Variants in EYS observed in about 807,000 individuals in gnomAD.
The protein encoded by EYS is EGF-like photoreceptor maintenance factor.
In EYS, 250 loss-of-function variants were observed where a neutral mutation model predicts 282.1. That is an observed-to-expected ratio of 0.89 (90% confidence interval 0.80 to 0.98). The LOEUF is 0.98. Ranked by LOEUF, EYS falls within the 50% of genes least tolerant of loss-of-function variation. The pLI is 0.00. For missense variants in EYS, 4,016 were observed against 3,709.0 expected (o/e 1.08, Z -2.15); for synonymous variants, 1,355 against 1,282.9 (o/e 1.06, Z -1.20).
At chr6:63,915,567 G>C (rs1239013610) in intron 35 of EYS, among the ~76,000 whole-genome samples, 1 of 152,184 alleles carries the variant, frequency 6.6e-6, no homozygotes, top group Non-Finnish European at 1.5e-5. Context: ...TAAGGCTATA[G>C]CTGCCATAAA....
At chr6:64,944,720 C>G (rs1034657171) in intron 15 of EYS, among the ~76,000 whole-genome samples, 3 of 152,014 alleles carry the variant, frequency 2.0e-5, no homozygotes, top group African/African-American at 7.2e-5. Context: ...TGTCTCCTGC[C>G]TGTCCCTGGG....
chr6:65,335,053 C>A lies in EYS; in HGVS notation c.1693G>T (p.Glu565Ter). 2 of 1,611,736 alleles carry A rather than the reference C, an allele frequency of 1.2e-6. No homozygotes were observed. Among genetic ancestry groups the A allele is most frequent in the Non-Finnish European group, 1.7e-6 (2 of 1,178,568 alleles). ...TTTTCTTGATCATCAGTTGTATTTT[C>A]CAGATACATGTTGCCAGCCCATCTG... Reference protein sequence around the residue: ...FLRWAGNMYLENTTDDQENEC... With the variant: ...FLRWAGNMYL Residue 565 changes from glutamate (E) to a stop codon, truncating the protein, a stop_gained, in exon 11 of 43, where the codon GAA (glutamate) becomes TAA (stop). Coordinates refer to ENST00000503581, the MANE Select transcript of EYS (RefSeq NM_001142800.2). LOFTEE classifies it high-confidence loss of function.
intron 26 of EYS, among the ~76,000 whole-genome samples, chr6:64,571,263 C>G (rs888028004): frequency 6.6e-6 from 1 of 152,114 alleles, no homozygotes; most frequent in Non-Finnish European, 1.5e-5. Flanking sequence ...ACCAGCATCT[C>G]TGGGACACTC....
At chr6:64,183,929 G>A (rs1434978034) in intron 31 of EYS, among the ~76,000 whole-genome samples, 3 of 151,534 alleles carry the variant, frequency 2.0e-5, no homozygotes, top group African/African-American at 4.8e-5. Context: ...ATTTTGTAAC[G>A]CAATTTTAAA....
At chr6:65,263,296 G>A (rs922803775) in intron 12 of EYS, among the ~76,000 whole-genome samples, 1 of 151,986 alleles carries the variant, frequency 6.6e-6, no homozygotes, top group African/African-American at 2.4e-5. Context: ...AGCTATGATC[G>A]TGCCAATGTA....
intron 22 of EYS, among the ~76,000 whole-genome samples, chr6:64,723,318 G>GA (rs1771648287): frequency 6.6e-6 from 1 of 152,002 alleles, no homozygotes; most frequent in South Asian, 2.1e-4. Flanking sequence ...CCAACAGTAG[G>GA]AAAAAATACC....
chr6:64,131,147 A>G (rs1024247512), intron 31 of EYS, among the ~76,000 whole-genome samples: 17 of 152,232 alleles, frequency 1.1e-4, no homozygotes, highest in African/African-American at 3.6e-4. Flanking sequence ...GATTACAGGC[A>G]TGAGCCACTG....
intron 19 of EYS, among the ~76,000 whole-genome samples, chr6:64,847,743 G>A (rs1012416648): frequency 6.6e-6 from 1 of 151,548 alleles, no homozygotes; most frequent in Non-Finnish European, 1.5e-5. Context: ...TACTTTTTTT[G>A]CCAAAGAAAT....
intron 31 of EYS, among the ~76,000 whole-genome samples, chr6:64,094,510 C>A (rs1772507283): frequency 6.6e-6 from 1 of 152,106 alleles, no homozygotes; most frequent in African/African-American, 2.4e-5. Context: ...AGGAATTTAT[C>A]CATTTCTTCT....
chr6:64,824,342 A>G (rs182994549), intron 19 of EYS, among the ~76,000 whole-genome samples: 2 of 152,120 alleles, frequency 1.3e-5, no homozygotes, highest in South Asian at 2.1e-4. Flanking sequence ...TACAAGCATA[A>G]TCAATCAAGC....
intron 26 of EYS, among the ~76,000 whole-genome samples, chr6:64,468,067 T>C (rs1019702206): frequency 1.3e-5 from 2 of 152,112 alleles, no homozygotes; most frequent in Non-Finnish European, 2.9e-5. Flanking sequence ...TCTGGAGACC[T>C]GAGAACCAGC....
chr6:65,189,554 A>C lies in EYS; in HGVS notation c.2023+106309T>G, dbSNP rs918861524. Among the ~76,000 whole-genome samples, 5 of 151,846 alleles carry C rather than the reference A, an allele frequency of 3.3e-5. No individual in the cohort carries two copies. In the Admixed American group the frequency reaches 3.3e-4, roughly 10 times the overall value. ...GAAGACAATAAAATAAAGCAAAATC[A>C]GCATAAATAAAATTTATTAATTATG... On this transcript the variant is annotated intron_variant, in intron 12 of 42. Transcript: ENST00000503581.
At chr6:65,181,033 T>G (rs1295762133) in intron 12 of EYS, among the ~76,000 whole-genome samples, 1 of 152,266 alleles carries the variant, frequency 6.6e-6, no homozygotes, top group South Asian at 2.1e-4. Flanking sequence ...GATCCCTTCC[T>G]TACACCTCAT....
At chr6:64,921,884 G>A (rs75134126) in intron 15 of EYS, among the ~76,000 whole-genome samples, 4,768 of 152,300 alleles carry the variant, frequency 0.031, 134 homozygotes, top group East Asian at 0.13. Flanking sequence ...GTAGGTGCCT[G>A]CTGCTGGAGT....
chr6:64,379,486 T>G (rs974099992), intron 29 of EYS: 1 of 152,208 alleles, frequency 6.6e-6, no homozygotes, highest in Non-Finnish European at 1.5e-5. Flanking sequence ...TGAATATATA[T>G]TCATTTGTCT....
chr6:64,094,528 C>A (rs994312210), intron 31 of EYS, among the ~76,000 whole-genome samples: 1 of 152,140 alleles, frequency 6.6e-6, no homozygotes, highest in Non-Finnish European at 1.5e-5. Flanking sequence ...TCTAGATTTT[C>A]TAGTTTATTT....
chr6:64,945,010 T>G (rs1485838083), intron 15 of EYS, among the ~76,000 whole-genome samples: 1 of 151,734 alleles, frequency 6.6e-6, no homozygotes, highest in Non-Finnish European at 1.5e-5. Context: ...ACTACATTCC[T>G]TTTTGCTGAA....
At chr6:64,368,001 T>C (rs766271562) in intron 29 of EYS, among the ~76,000 whole-genome samples, 13 of 152,090 alleles carry the variant, frequency 8.5e-5, no homozygotes, top group Non-Finnish European at 1.5e-4. Context: ...ATAGGTAAAT[T>C]GTGTGTGGTG....
At chr6:63,858,118 G>C (rs1035106952) in intron 36 of EYS, among the ~76,000 whole-genome samples, 1 of 152,098 alleles carries the variant, frequency 6.6e-6, no homozygotes, top group Non-Finnish European at 1.5e-5. Flanking sequence ...AAAACGAGAA[G>C]ATTTCACCTG....
Sources: gnomAD v4.1 joint callset for allele counts (sites outside exome capture counted in the v4.1 genomes callset) on GRCh38, gnomAD v4.1.1 for gene constraint, MANE v1.5 for transcripts, NCBI Gene and HGNC (gene_info 2026-07-23, HGNC 2026-07-21) for gene names.